Variants in SFSWAP observed in about 807,000 individuals in gnomAD.
SFSWAP encodes the protein splicing factor SWAP, also known as splicing factor, suppressor of white-apricot homolog.
SFSWAP carries 17 observed loss-of-function variants against 100.7 expected under a neutral mutation model. The observed-to-expected ratio is 0.17, with a 90% CI of 0.12 to 0.25. The LOEUF (loss-of-function observed/expected upper bound fraction) is 0.25. Ranked by LOEUF, SFSWAP falls within the 10% of genes least tolerant of loss-of-function variation. The probability of loss-of-function intolerance (pLI) is 1.00; values close to 1 mark genes in which losing one functional copy is unlikely to be tolerated. For missense variants in SFSWAP, 1,005 were observed against 1,262.6 expected, an observed-to-expected ratio of 0.80 and a Z score of 3.09; for synonymous variants, 504 against 510.1, an observed-to-expected ratio of 0.99 and a Z score of 0.16.
rs780085612 is a variant in SFSWAP, at chr12:131,754,438, G to A, written c.1393G>A (p.Glu465Lys). 38 of 1,603,580 alleles carry A rather than the reference G, an allele frequency of 2.4e-5. No individual in the cohort carries two copies. Among genetic ancestry groups the A allele is most frequent in the Admixed American group, 5.3e-5 (3 of 57,082 alleles). The change falls in exon 9 of 18, where the codon GAG becomes AAG. Residue 465 changes from glutamate (E) to lysine (K), a missense_variant. Physicochemically the swap from Glu to Lys is moderately conservative, Grantham distance 56. This residue lies in a region of SFSWAP where 311 missense variants were observed against 317.8 expected (regional missense o/e 0.98). Transcript: ENST00000261674. ...CCAGCCCGTGATTGACAAGCTGGCCGAGTATGTCGCCAGGAACGGCCTGAA... is the reference window on the plus strand; with the variant it reads ...CCAGCCCGTGATTGACAAGCTGGCCAAGTATGTCGCCAGGAACGGCCTGAA... ...DVQPVIDKLA[E>K]YVARNGLKFE...
chr12:131,785,891 A>T (rs1593188769), intron 14 of SFSWAP: 1 of 153,166 alleles, frequency 6.5e-6, no homozygotes, highest in East Asian at 1.9e-4. Flanking sequence ...AGAGGCTGTA[A>T]GATTAGTGTG....
chr12:131,773,888 C>T lies in SFSWAP; in HGVS notation c.2143-4177C>T, dbSNP rs530200527. ...ACAGCCAGGAGGAGAGTGGCGGCTCCGGGACCTGGGGCTCAGGCGAGGCCT... is the reference window on the plus strand; with the variant it reads ...ACAGCCAGGAGGAGAGTGGCGGCTCTGGGACCTGGGGCTCAGGCGAGGCCT... On this transcript the variant is annotated intron_variant, in intron 13 of 17. Coordinates refer to ENST00000261674, the MANE Select transcript of SFSWAP (RefSeq NM_004592.4). Among the ~76,000 whole-genome samples, 70 of 152,262 alleles carry T rather than the reference C, an allele frequency of 4.6e-4. 1 individual carries two copies. The East Asian group carries it at 8.3e-3, about 18-fold the overall frequency.
intron 15 of SFSWAP, among the ~76,000 whole-genome samples, chr12:131,787,936 C>T (rs1257103576): frequency 6.6e-6 from 1 of 152,196 alleles, no homozygotes; most frequent in South Asian, 2.1e-4. Flanking sequence ...TTCATGTACA[C>T]CTGGCTCTGT....
intron 11 of SFSWAP, among the ~76,000 whole-genome samples, chr12:131,760,481 A>T (rs7305121): frequency 0.035 from 5,401 of 152,238 alleles, 110 homozygotes; most frequent in Non-Finnish European, 0.054. Context: ...GATAAAGTTT[A>T]AAAAAAGTAA....
chr12:131,726,671 G>GA (rs1212381214), intron 5 of SFSWAP, among the ~76,000 whole-genome samples: 1 of 151,676 alleles, frequency 6.6e-6, no homozygotes, highest in Non-Finnish European at 1.5e-5. Context: ...TTAAAAAAAG[G>GA]AAAAAAAAGG....
At position 131,740,966 on chromosome 12, in the gene SFSWAP, C is replaced by CTTTTTTT. The variant is rs60047663; in HGVS notation, c.1082-12139_1082-12133dup. Among the ~76,000 whole-genome samples, 127 of 70,156 alleles carry CTTTTTTT rather than the reference C, an allele frequency of 1.8e-3. 1 individual carries two copies. The highest frequency in any genetic ancestry group is 3.6e-3 in the East Asian group (7 of 1,968). The allele number at this position is 70,156 out of a possible 152,430, so 46.0% of individuals were successfully genotyped here. ...TCATTTCTTTTTTTTTCTTTTTTTT[C>CTTTTTTT]TTTTTTTTTTTTTTTTTTTTTTTTG... On this transcript the variant is annotated intron_variant, in intron 7 of 17. Transcript: ENST00000261674.
At chr12:131,719,414 C>T (rs899289133) in intron 3 of SFSWAP, 40 bp from the exon 4 acceptor site, 2 of 1,511,816 alleles carry the variant, frequency 1.3e-6, no homozygotes, top group Non-Finnish European at 1.8e-6. Flanking sequence ...TGCCTTCCTC[C>T]CTGCATTGTT....
At chr12:131,716,163 C>T (rs2136175642) in intron 3 of SFSWAP, among the ~76,000 whole-genome samples, 1 of 152,386 alleles carries the variant, frequency 6.6e-6, no homozygotes, top group Middle Eastern at 3.4e-3. Flanking sequence ...CAAACGCACA[C>T]ACCGGCTTTC....
At chr12:131,721,079 G>T (rs183069852) in intron 4 of SFSWAP, among the ~76,000 whole-genome samples, 2 of 152,276 alleles carry the variant, frequency 1.3e-5, no homozygotes, top group Admixed American at 1.3e-4. Context: ...CAGGAGGAAG[G>T]CAGGGAGGTG....
chr12:131,744,240 A>T (rs956222865), intron 7 of SFSWAP, among the ~76,000 whole-genome samples: 1 of 152,230 alleles, frequency 6.6e-6, no homozygotes, highest in African/African-American at 2.4e-5. Flanking sequence ...AAAATGAGAT[A>T]TTCTTTTCTA....
Position 131,753,066 on chromosome 12 carries a change from A to G in SFSWAP, c.1082-57A>G, listed in dbSNP as rs1186714820. The G allele has an allele frequency of 1.3e-5, 20 of 1,598,024 alleles. 1 individual carries two copies. The highest frequency in any genetic ancestry group is 3.4e-5 in the South Asian group (3 of 88,940). The stretch of plus-strand genomic sequence containing the variant: ...AAGGGCTCTTGTGGCTGCATTGTGG[A>G]CTCATGGACCAGCCTGTGGCCGGCC... On this transcript the variant is annotated intron_variant, in intron 7 of 17. Transcript: ENST00000261674.
chr12:131,760,805 G>A (rs1299345266), intron 11 of SFSWAP, among the ~76,000 whole-genome samples: 1 of 152,206 alleles, frequency 6.6e-6, no homozygotes, highest in Non-Finnish European at 1.5e-5. Context: ...CAGACATGGT[G>A]GCTCACGCTT....
intron 16 of SFSWAP, among the ~76,000 whole-genome samples, chr12:131,797,755 C>T (rs1407721956): frequency 6.6e-6 from 1 of 152,226 alleles, no homozygotes; most frequent in Admixed American, 6.5e-5. Context: ...CGGCCAGGGC[C>T]AAATGACGCC....
intron 11 of SFSWAP, among the ~76,000 whole-genome samples, chr12:131,759,250 C>G (rs1197730532): frequency 6.6e-6 from 1 of 152,082 alleles, no homozygotes; most frequent in Admixed American, 6.6e-5. Flanking sequence ...AAATCAGGAA[C>G]CAACATAGAC....
chr12:131,769,209 C>T (rs535309997), intron 13 of SFSWAP, among the ~76,000 whole-genome samples: 37 of 152,052 alleles, frequency 2.4e-4, no homozygotes, highest in African/African-American at 8.7e-4. Flanking sequence ...TGTAGCCACA[C>T]AGAAAATGCT....
At chr12:131,719,790 A>G (rs1412857786) in intron 4 of SFSWAP, among the ~76,000 whole-genome samples, 1 of 152,220 alleles carries the variant, frequency 6.6e-6, no homozygotes, top group Admixed American at 6.5e-5. Flanking sequence ...GCGGCCATGT[A>G]GTTGAATCCC....
chr12:131,754,410 C>T lies in SFSWAP; in HGVS notation c.1365C>T (p.Asp455=), dbSNP rs757476444. Residue 455 remains aspartate (D), a synonymous_variant, in exon 9 of 18, where the codon GAC becomes GAT. Transcript: ENST00000261674. ...CCGCCATCATCCCCCCGCCCCCCGA[C>T]GTCCAGCCCGTGATTGACAAGCTGG... is the stretch of plus-strand genomic sequence containing the variant. ...PVAAIIPPPP[D]VQPVIDKLAE... The T allele has an allele frequency of 5.6e-6, 9 of 1,598,102 alleles. No homozygotes were observed. In the East Asian group the frequency reaches 6.9e-5, roughly 12 times the overall value.
At chr12:131,747,003 C>G (rs564270324) in intron 7 of SFSWAP, among the ~76,000 whole-genome samples, 1 of 150,926 alleles carries the variant, frequency 6.6e-6, no homozygotes, top group African/African-American at 2.4e-5. Flanking sequence ...ACTCGGGAGG[C>G]TGAAGCAGGA....
intron 7 of SFSWAP, 135 bp from the exon 8 acceptor site, chr12:131,752,988 A>G (rs1881791597): frequency 1.5e-6 from 2 of 1,339,936 alleles, no homozygotes; most frequent in Non-Finnish European, 1.0e-6. Context: ...AGAAAAATCT[A>G]GAAAACAGCA....
Sources: allele counts gnomAD v4.1 joint callset (sites outside exome capture counted in the v4.1 genomes callset), GRCh38; gene constraint gnomAD v4.1.1; regional missense constraint gnomAD v4.1.1; transcripts MANE v1.5; gene names NCBI Gene and HGNC (gene_info 2026-07-23, HGNC 2026-07-21).